STAC: variants seen among roughly 807,000 people sequenced by gnomAD.
STAC encodes SH3 and cysteine-rich domain-containing protein.
STAC carries 43 observed loss-of-function variants against 48.8 expected under a neutral mutation model. That is an observed-to-expected ratio of 0.88 (90% CI 0.69 to 1.14). The LOEUF (loss-of-function observed/expected upper bound fraction) is 1.14. STAC is among the 50% of genes most tolerant of loss of function. The pLI, the probability that STAC is intolerant of heterozygous loss-of-function variation, is 0.00. For synonymous variants in STAC, 193 were observed against 179.5 expected, an observed-to-expected ratio of 1.07 and a Z score of -0.60; for missense variants, 497 against 504.0, an observed-to-expected ratio of 0.99 and a Z score of 0.13.
chr3:36,508,166 T>C lies in STAC; in HGVS notation c.920+2332T>C, dbSNP rs140374157. Among the ~76,000 whole-genome samples the C allele has an allele frequency of 8.3e-3, 1,270 of 152,328 alleles. 17 individuals carry two copies. Among genetic ancestry groups the C allele is most frequent in the African/African-American group, 0.029 (1,188 of 41,578 alleles). ...AGTAACTTATTTATTTCTGCCTTAA[T>C]GTCATTATTTAGCTGGTAGTCATTC... On this transcript the variant is annotated intron_variant, in intron 8 of 10. Coordinates refer to ENST00000273183, the MANE Select transcript of STAC (RefSeq NM_003149.3).
In STAC at chr3:36,546,178, C is replaced by T. The variant is rs1257167676; in HGVS notation, c.1111-13C>T. Reference sequence around the variant, plus strand: ...AGTAAAGTATTTTGTTTTTTTTCTTCCTTGGCATTCAGATCTGCGTGAGTT... The same window carrying T: ...AGTAAAGTATTTTGTTTTTTTTCTTTCTTGGCATTCAGATCTGCGTGAGTT... On this transcript the variant is annotated splice_polypyrimidine_tract_variant and intron_variant, in intron 10 of 10. Transcript: ENST00000273183. The T allele has an allele frequency of 1.2e-6, 2 of 1,606,518 alleles. No homozygotes were observed. The highest frequency in any genetic ancestry group is 1.7e-5 in the Admixed American group (1 of 58,620).
intron 2 of STAC, among the ~76,000 whole-genome samples, chr3:36,454,120 GC>G (rs1696778608): frequency 6.6e-6 from 1 of 152,188 alleles, no homozygotes; most frequent in Admixed American, 6.5e-5. Flanking sequence ...AAAGCAGGCT[GC>G]CCTAGCCAGC....
At chr3:36,395,983 T>A (rs561299710) in intron 1 of STAC, among the ~76,000 whole-genome samples, 1 of 152,116 alleles carries the variant, frequency 6.6e-6, no homozygotes, top group South Asian at 2.1e-4. Flanking sequence ...TGGATTAGAA[T>A]AATTTACTTC....
chr3:36,464,426 G>T (rs898201359), intron 2 of STAC, among the ~76,000 whole-genome samples: 1 of 93,306 alleles, frequency 1.1e-5, no homozygotes, highest in Non-Finnish European at 2.1e-5. Flanking sequence ...TTAGCACTTT[G>T]TCAGATTATT....
At chr3:36,540,371 G>A (rs1699295435) in intron 10 of STAC, among the ~76,000 whole-genome samples, 1 of 152,018 alleles carries the variant, frequency 6.6e-6, no homozygotes, top group African/African-American at 2.4e-5. Context: ...TACACAAAAG[G>A]GACTTTGCAG....
chr3:36,484,935 TC>T, intron 3 of STAC, 41 bp from the exon 4 acceptor site: 1 of 1,506,714 alleles, frequency 6.6e-7, no homozygotes, highest in Non-Finnish European at 9.0e-7. Flanking sequence ...TTTCTCCATC[TC>T]CAGTGACATT....
At chr3:36,538,945 A>T (rs1699260271) in intron 10 of STAC, among the ~76,000 whole-genome samples, 1 of 152,162 alleles carries the variant, frequency 6.6e-6, no homozygotes. Context: ...CCAGGAGCTT[A>T]ATCATTCTTT....
chr3:36,457,580 C>T (rs961517706), intron 2 of STAC, among the ~76,000 whole-genome samples: 1 of 152,192 alleles, frequency 6.6e-6, no homozygotes, highest in African/African-American at 2.4e-5. Context: ...ACAAATTCTT[C>T]AGCCTTGAGC....
intron 1 of STAC, among the ~76,000 whole-genome samples, chr3:36,400,323 T>C (rs767848852): frequency 1.3e-5 from 2 of 152,244 alleles, no homozygotes; most frequent in African/African-American, 2.4e-5. Context: ...CCACGTGTTA[T>C]ATAACTATTC....
intron 2 of STAC, among the ~76,000 whole-genome samples, chr3:36,470,053 A>AT (rs1241808768): frequency 6.6e-6 from 1 of 151,678 alleles, no homozygotes; most frequent in Non-Finnish European, 1.5e-5. Flanking sequence ...ATTGACCTGA[A>AT]TTTTTTTTCT....
At chr3:36,438,539 T>A (rs1216400183) in intron 1 of STAC, among the ~76,000 whole-genome samples, 2 of 152,242 alleles carry the variant, frequency 1.3e-5, no homozygotes, top group Non-Finnish European at 2.9e-5. Flanking sequence ...TTTGAGTTCA[T>A]GTCTGGGGCT....
chr3:36,538,113 G>T (rs920089060), intron 10 of STAC, among the ~76,000 whole-genome samples: 1 of 152,102 alleles, frequency 6.6e-6, no homozygotes, highest in African/African-American at 2.4e-5. Flanking sequence ...CATATTTCAT[G>T]TCAAACTTTT....
chr3:36,488,792 C>T (rs1367800591), intron 5 of STAC, among the ~76,000 whole-genome samples: 1 of 152,158 alleles, frequency 6.6e-6, no homozygotes, highest in Non-Finnish European at 1.5e-5. Flanking sequence ...CCGTGCTACC[C>T]TTTTCAGCCT....
intron 8 of STAC, among the ~76,000 whole-genome samples, chr3:36,513,378 C>T (rs1054177822): frequency 6.6e-6 from 1 of 152,138 alleles, no homozygotes; most frequent in Non-Finnish European, 1.5e-5. Flanking sequence ...CTACTTTTGC[C>T]CAAAATGTAT....
chr3:36,535,038 C>T (rs1408762639), intron 10 of STAC, among the ~76,000 whole-genome samples: 2 of 152,140 alleles, frequency 1.3e-5, no homozygotes, highest in African/African-American at 4.8e-5. Flanking sequence ...ATGGGAATAA[C>T]ATTGAATCTA....
At chr3:36,541,869 A>G (rs887591543) in intron 10 of STAC, among the ~76,000 whole-genome samples, 1 of 152,122 alleles carries the variant, frequency 6.6e-6, no homozygotes, top group Admixed American at 6.5e-5. Context: ...TGGTGTTGGG[A>G]CATCCAGCTT....
intron 1 of STAC, among the ~76,000 whole-genome samples, chr3:36,396,683 A>G (rs1039367379): frequency 6.6e-6 from 1 of 152,220 alleles, no homozygotes; most frequent in Non-Finnish European, 1.5e-5. Context: ...TAAAAGCAGA[A>G]TATACCAAAT....
intron 1 of STAC, among the ~76,000 whole-genome samples, chr3:36,412,112 G>A (rs1490379078): frequency 6.6e-6 from 1 of 152,100 alleles, no homozygotes; most frequent in East Asian, 1.9e-4. Flanking sequence ...TCTGGAGGTG[G>A]GAAGTGGCTG....
intron 1 of STAC, among the ~76,000 whole-genome samples, chr3:36,388,475 CT>C (rs767951520): frequency 1.6e-4 from 25 of 151,550 alleles, no homozygotes; most frequent in Admixed American, 5.9e-4. Context: ...TAGAAGTTTC[CT>C]TTTTTATGGT....
Sources: allele counts gnomAD v4.1 joint callset (sites outside exome capture counted in the v4.1 genomes callset), GRCh38; gene constraint gnomAD v4.1.1; transcripts MANE v1.5; gene names NCBI Gene and HGNC (gene_info 2026-07-23, HGNC 2026-07-21).